SCMH1: variants seen among roughly 807,000 people sequenced by gnomAD.
SCMH1 encodes the protein polycomb protein SCMH1.
Under a neutral mutation model 70.8 loss-of-function variants are expected in SCMH1, and 37 were observed. The observed-to-expected ratio is 0.52, with a 90% confidence interval of 0.40 to 0.69. The LOEUF (loss-of-function observed/expected upper bound fraction) is 0.69, where lower values mean the gene tolerates loss of function less well. Among genes scored for constraint, SCMH1 ranks in the 30% least tolerant of loss-of-function variants. The probability of loss-of-function intolerance (pLI) is 0.00; values close to 1 mark genes in which losing one functional copy is unlikely to be tolerated. For missense variants in SCMH1, 607 were observed against 827.3 expected (o/e 0.73, Z 3.27); for synonymous variants, 292 against 307.4 (o/e 0.95, Z 0.52).
chr1:41,116,882 T>A (rs1282660430), intron 7 of SCMH1, 40 bp downstream of exon 7: 1 of 1,522,458 alleles, frequency 6.6e-7, no homozygotes, highest in South Asian at 1.3e-5. Flanking sequence ...TATTTGACCT[T>A]AAGCAGCCTG....
intron 1 of SCMH1, among the ~76,000 whole-genome samples, chr1:41,203,475 A>G (rs141612432): frequency 6.6e-6 from 1 of 152,224 alleles, no homozygotes; most frequent in Non-Finnish European, 1.5e-5. Flanking sequence ...ATTATGTGCC[A>G]AGCACTGCTC....
At chr1:41,095,770 G>C (rs1241310341) in intron 8 of SCMH1, among the ~76,000 whole-genome samples, 1 of 152,056 alleles carries the variant, frequency 6.6e-6, no homozygotes, top group Non-Finnish European at 1.5e-5. Flanking sequence ...GGAAACTAAG[G>C]ATACGTTCCT....
At chr1:41,072,903 T>C (rs1558638625) in intron 9 of SCMH1, among the ~76,000 whole-genome samples, 1 of 151,920 alleles carries the variant, frequency 6.6e-6, no homozygotes, top group African/African-American at 2.4e-5. Context: ...GATATAAGGC[T>C]CACAGGTGAA....
At chr1:41,077,853 G>A (rs144416025) in intron 8 of SCMH1, among the ~76,000 whole-genome samples, 1 of 152,142 alleles carries the variant, frequency 6.6e-6, no homozygotes, top group East Asian at 1.9e-4. Flanking sequence ...TAAAACGTTT[G>A]GCATACTACA....
At chr1:41,080,846 G>C (rs1407722339) in intron 8 of SCMH1, among the ~76,000 whole-genome samples, 1 of 152,018 alleles carries the variant, frequency 6.6e-6, no homozygotes, top group Non-Finnish European at 1.5e-5. Flanking sequence ...ACTTCTTATT[G>C]AATTATGGGA....
At chr1:41,035,114 G>A (rs1030804342) in intron 13 of SCMH1, among the ~76,000 whole-genome samples, 1 of 152,128 alleles carries the variant, frequency 6.6e-6, no homozygotes, top group African/African-American at 2.4e-5. Context: ...CTCTTGGGAC[G>A]TATGTCCACT....
At chr1:41,235,925 G>C (rs1292612740) in intron 1 of SCMH1, among the ~76,000 whole-genome samples, 1 of 152,108 alleles carries the variant, frequency 6.6e-6, no homozygotes, top group Non-Finnish European at 1.5e-5. Context: ...TATAGATCTA[G>C]ATCACTCATT....
intron 8 of SCMH1, among the ~76,000 whole-genome samples, chr1:41,110,804 C>G (rs1669080941): frequency 6.6e-6 from 1 of 152,156 alleles, no homozygotes. Flanking sequence ...GGGTATATAT[C>G]TATGAGTGGA....
At chr1:41,221,531 T>C (rs1399279001) in intron 1 of SCMH1, among the ~76,000 whole-genome samples, 1 of 149,982 alleles carries the variant, frequency 6.7e-6, no homozygotes, top group Non-Finnish European at 1.5e-5. Flanking sequence ...AATTTTGTTA[T>C]ATATATATAA....
chr1:41,168,900 C>T (rs146527835), intron 2 of SCMH1, among the ~76,000 whole-genome samples: 402 of 152,164 alleles, frequency 2.6e-3, no homozygotes, highest in Non-Finnish European at 4.2e-3. Flanking sequence ...AGAGTAGGAG[C>T]CAGAATCTCT....
At chr1:41,169,753 C>T (rs1646659451) in intron 2 of SCMH1, among the ~76,000 whole-genome samples, 1 of 152,212 alleles carries the variant, frequency 6.6e-6, no homozygotes, top group Non-Finnish European at 1.5e-5. Flanking sequence ...TTTTAAGCCC[C>T]TTCTCTGCAC....
chr1:41,058,375 C>CTTT (rs1252087982), intron 10 of SCMH1, among the ~76,000 whole-genome samples: 2 of 38,992 alleles, frequency 5.1e-5, no homozygotes, highest in African/African-American at 3.0e-4. Flanking sequence ...CATTTTCTTT[C>CTTT]TTGTTTTTTT....
intron 11 of SCMH1, among the ~76,000 whole-genome samples, chr1:41,047,928 T>G (rs2148693613): frequency 6.6e-6 from 1 of 152,312 alleles, no homozygotes; most frequent in South Asian, 2.1e-4. Flanking sequence ...TGACACATAG[T>G]AAGGGTTCAA....
intron 8 of SCMH1, among the ~76,000 whole-genome samples, chr1:41,088,725 A>G (rs1662449532): frequency 4.6e-5 from 7 of 152,228 alleles, no homozygotes; most frequent in Admixed American, 4.6e-4. Flanking sequence ...TACTTTAAGT[A>G]CTTTAACCAT....
At chr1:41,068,409 AT>A (rs140252745) in intron 10 of SCMH1, among the ~76,000 whole-genome samples, 9,004 of 151,718 alleles carry the variant, frequency 0.059, 359 homozygotes, top group South Asian at 0.12. Flanking sequence ...TGATTAAAGA[AT>A]TTTTTTTTCT....
At chr1:41,173,176 A>G (rs72947912) in intron 2 of SCMH1, among the ~76,000 whole-genome samples, 4,604 of 152,184 alleles carry the variant, frequency 0.03, 219 homozygotes, top group African/African-American at 0.11. Context: ...TGGGAGAAAT[A>G]TATGTAAGCT....
intron 9 of SCMH1, among the ~76,000 whole-genome samples, chr1:41,074,455 T>C (rs1657560228): frequency 6.6e-6 from 1 of 152,168 alleles, no homozygotes; most frequent in Non-Finnish European, 1.5e-5. Flanking sequence ...TGGTGTTTAA[T>C]ACAGTCTGAC....
chr1:41,133,097 A>G (rs1263390649), intron 6 of SCMH1, among the ~76,000 whole-genome samples: 1 of 152,170 alleles, frequency 6.6e-6, no homozygotes, highest in African/African-American at 2.4e-5. Flanking sequence ...TGGTAGCTTG[A>G]TGGGGATAGC....
At chr1:41,140,791 T>C (rs987208206) in intron 6 of SCMH1, among the ~76,000 whole-genome samples, 2 of 152,270 alleles carry the variant, frequency 1.3e-5, no homozygotes, top group South Asian at 2.1e-4. Flanking sequence ...ACCTGGAACA[T>C]GTTGAAATTG....
Sources: gnomAD v4.1 joint callset for allele counts (sites outside exome capture counted in the v4.1 genomes callset) on GRCh38, gnomAD v4.1.1 for gene constraint, MANE v1.5 for transcripts, NCBI Gene and HGNC (gene_info 2026-07-23, HGNC 2026-07-21) for gene names.